KSR2: variants seen among roughly 807,000 people sequenced by gnomAD.
KSR2 encodes the protein kinase suppressor of ras 2.
Under a neutral mutation model 107.8 loss-of-function variants are expected in KSR2, and 25 were observed. The ratio of observed to expected loss-of-function variants is 0.23; its 90% CI spans 0.17 to 0.32. The LOEUF is 0.32. Among genes scored for constraint, KSR2 ranks in the 10% least tolerant of loss-of-function variants. The pLI is 1.00. For missense variants in KSR2, 887 were observed against 1,268.9 expected (o/e 0.70, Z 4.57); for synonymous variants, 480 against 507.0 (o/e 0.95, Z 0.71).
intron 4 of KSR2, among the ~76,000 whole-genome samples, chr12:117,708,047 T>C (rs1211728447): frequency 1.3e-5 from 2 of 152,236 alleles, no homozygotes; most frequent in Non-Finnish European, 2.9e-5. Flanking sequence ...GAGCCTTTAA[T>C]TCTCCTATTT....
At chr12:117,806,834 G>A (rs567710495) in intron 3 of KSR2, among the ~76,000 whole-genome samples, 34 of 152,260 alleles carry the variant, frequency 2.2e-4, no homozygotes, top group South Asian at 6.2e-4. Flanking sequence ...CAGCATGCAC[G>A]CATATCTCAT....
chr12:117,681,156 G>C (rs754036083), intron 4 of KSR2, among the ~76,000 whole-genome samples: 1 of 152,178 alleles, frequency 6.6e-6, no homozygotes, highest in Non-Finnish European at 1.5e-5. Context: ...TGTAGTCCCA[G>C]CTACTAGGGA....
At chr12:117,763,563 T>C (rs112862977) in intron 3 of KSR2, among the ~76,000 whole-genome samples, 5,091 of 151,936 alleles carry the variant, frequency 0.034, 305 homozygotes, top group African/African-American at 0.11. Context: ...CTTTCCCGGG[T>C]GCCTGCATGA....
chr12:117,740,299 T>C (rs1215222277), intron 4 of KSR2, among the ~76,000 whole-genome samples: 2 of 142,814 alleles, frequency 1.4e-5, no homozygotes, highest in South Asian at 2.2e-4. Flanking sequence ...ATCATACATA[T>C]ATATAATATA....
chr12:117,799,273 G>A (rs556365836), intron 3 of KSR2, among the ~76,000 whole-genome samples: 3 of 152,254 alleles, frequency 2.0e-5, no homozygotes, highest in South Asian at 4.1e-4. Flanking sequence ...AGGCCAAGGT[G>A]GGCAGATCAA....
At chr12:117,587,010 A>G (rs1042599963) in intron 5 of KSR2, among the ~76,000 whole-genome samples, 50 of 152,238 alleles carry the variant, frequency 3.3e-4, no homozygotes, top group African/African-American at 1.2e-3. Context: ...AACTGCAGAC[A>G]GAAACAAACT....
At chr12:117,684,217 C>A (rs187452038) in intron 4 of KSR2, among the ~76,000 whole-genome samples, 1 of 152,154 alleles carries the variant, frequency 6.6e-6, no homozygotes, top group Non-Finnish European at 1.5e-5. Flanking sequence ...TCTTCTCCAC[C>A]GCTCTGACCA....
intron 1 of KSR2, among the ~76,000 whole-genome samples, chr12:117,914,972 G>T (rs942734032): frequency 8.5e-5 from 13 of 152,188 alleles, no homozygotes; most frequent in South Asian, 8.3e-4. Flanking sequence ...GACACACTTA[G>T]GTACTTAAGA....
chr12:117,661,247 T>C (rs1884418095), intron 5 of KSR2, among the ~76,000 whole-genome samples: 1 of 148,990 alleles, frequency 6.7e-6, no homozygotes, highest in Non-Finnish European at 1.5e-5. Context: ...ATATGTGACC[T>C]CAGATTCGAT....
At chr12:117,472,689 C>T (rs1871536871) in intron 17 of KSR2, among the ~76,000 whole-genome samples, 1 of 152,122 alleles carries the variant, frequency 6.6e-6, no homozygotes, top group African/African-American at 2.4e-5. Flanking sequence ...TGGTGATGCT[C>T]AGGTGTTCGG....
intron 3 of KSR2, among the ~76,000 whole-genome samples, chr12:117,793,466 C>G (rs1202177024): frequency 6.7e-6 from 1 of 150,212 alleles, no homozygotes; most frequent in Non-Finnish European, 1.5e-5. Context: ...TGCACACATA[C>G]ACCAACATGC....
chr12:117,896,210 C>T (rs1240984893), intron 1 of KSR2, among the ~76,000 whole-genome samples: 1 of 152,206 alleles, frequency 6.6e-6, no homozygotes, highest in African/African-American at 2.4e-5. Context: ...GAATGAAGTA[C>T]TGATACATGC....
intron 3 of KSR2, among the ~76,000 whole-genome samples, chr12:117,826,199 G>C (rs151074749): frequency 0.012 from 1,783 of 152,200 alleles, 18 homozygotes; most frequent in Non-Finnish European, 0.016. Context: ...CCATGTTCAG[G>C]AAAATTACCA....
At chr12:117,505,592 G>A (rs1485335529) in intron 14 of KSR2, among the ~76,000 whole-genome samples, 1 of 152,158 alleles carries the variant, frequency 6.6e-6, no homozygotes, top group East Asian at 1.9e-4. Context: ...TATGTATAAT[G>A]TGCTCAGCAC....
intron 14 of KSR2, among the ~76,000 whole-genome samples, chr12:117,486,921 G>A (rs1367825758): frequency 6.6e-6 from 1 of 152,210 alleles, no homozygotes; most frequent in Non-Finnish European, 1.5e-5. Flanking sequence ...CAGTGGTTAG[G>A]AGCATGGGGG....
chr12:117,892,771 A>G (rs1312340984), intron 1 of KSR2, among the ~76,000 whole-genome samples: 2 of 136,776 alleles, frequency 1.5e-5, no homozygotes, highest in Non-Finnish European at 3.0e-5. Context: ...AAGTTTGCTG[A>G]CATCTGTGCT....
chr12:117,800,352 T>G (rs565630806), intron 3 of KSR2, among the ~76,000 whole-genome samples: 2 of 152,058 alleles, frequency 1.3e-5, no homozygotes, highest in South Asian at 4.2e-4. Context: ...CTGTCTGTGG[T>G]TCCTCATGTG....
intron 4 of KSR2, among the ~76,000 whole-genome samples, chr12:117,668,505 G>A (rs1174446847): frequency 6.6e-6 from 1 of 152,178 alleles, no homozygotes; most frequent in African/African-American, 2.4e-5. Flanking sequence ...CTTCATCGCT[G>A]TGTCCACCAT....
At chr12:117,650,831 AG>A (rs1445659615) in intron 5 of KSR2, among the ~76,000 whole-genome samples, 2 of 152,222 alleles carry the variant, frequency 1.3e-5, no homozygotes. Context: ...TCCCAGCTTC[AG>A]AAACAGATAC....
Sources: allele counts gnomAD v4.1 joint callset (sites outside exome capture counted in the v4.1 genomes callset), GRCh38; gene constraint gnomAD v4.1.1; transcripts MANE v1.5; gene names NCBI Gene and HGNC (gene_info 2026-07-23, HGNC 2026-07-21).